ABCG2: variants seen among roughly 807,000 people sequenced by gnomAD.
ABCG2 encodes the protein ATP binding cassette subfamily G member 2 (JR blood group).
In ABCG2, 80 loss-of-function variants were observed where a neutral mutation model predicts 73.5. That is an observed-to-expected ratio of 1.09 (90% confidence interval 0.91 to 1.31). The LOEUF (loss-of-function observed/expected upper bound fraction) is 1.31, where lower values mean the gene tolerates loss of function less well. Among genes scored for constraint, ABCG2 ranks in the 50% most tolerant of loss-of-function variants. The probability of loss-of-function intolerance (pLI) is 0.00; values close to 1 mark genes in which losing one functional copy is unlikely to be tolerated. For missense variants in ABCG2, 796 were observed against 786.2 expected (o/e 1.01, Z -0.15); for synonymous variants, 269 against 282.4 (o/e 0.95, Z 0.48).
At chr4:88,168,599 G>C (rs527559668) in intron 1 of ABCG2, among the ~76,000 whole-genome samples, 2 of 151,494 alleles carry the variant, frequency 1.3e-5, no homozygotes, top group South Asian at 2.1e-4. Flanking sequence ...AACCTGCAGA[G>C]TCAGATAGTA....
rs180872136 is a variant in ABCG2, at chr4:88,192,608, C to T, written c.-20+38386G>A. ...CTAATTTTTGTATTTTTAGAAGAGA[C>T]GGAGTTTACCAGGTTGGCTAGGCTG... On this transcript the variant is annotated intron_variant, in intron 1 of 15. Transcript: ENST00000515655. Among the ~76,000 whole-genome samples, 31 of 151,784 alleles carry T rather than the reference C, an allele frequency of 2.0e-4. No individual in the cohort carries two copies. The East Asian group carries it at 3.1e-3, about 15-fold the overall frequency.
chr4:88,121,727 C>G lies in ABCG2; in HGVS notation c.597G>C (p.Glu199Asp), dbSNP rs1248168948. Residue 199 changes from glutamate to aspartate, a missense_variant, in exon 6 of 16, where the codon GAG (glutamate) becomes GAC (aspartate). Transcript: ENST00000237612. Reference protein sequence around the residue: ...GERKRTSIGMELITDPSILFL... With the variant: ...GERKRTSIGMDLITDPSILFL... Reference sequence around the variant, plus strand: ...ACAAGATGGAAGGATCAGTGATAAGCTCCATTCCTATACTAGTCCTTTTTC... The same window carrying G: ...ACAAGATGGAAGGATCAGTGATAAGGTCCATTCCTATACTAGTCCTTTTTC... 5.0e-6 allele frequency: 8 copies of G among 1,613,908 alleles called. No individual in the cohort carries two copies. The African/African-American group carries it at 6.7e-5, about 13-fold the overall frequency.
chr4:88,182,561 C>G (rs1728300402), intron 1 of ABCG2, among the ~76,000 whole-genome samples: 1 of 152,024 alleles, frequency 6.6e-6, no homozygotes, highest in Non-Finnish European at 1.5e-5. Flanking sequence ...TCTTCTCTGA[C>G]CACAATGGAA....
chr4:88,159,249 G>C, upstream of ABCG2: 1 of 455,456 alleles, frequency 2.2e-6, no homozygotes. Context: ...TGGCCGGAGC[G>C]CCGAAGCACC....
At chr4:88,202,350 T>TTTTATATATATATATATATATA (rs1553945696) in intron 1 of ABCG2, among the ~76,000 whole-genome samples, 14 of 35,382 alleles carry the variant, frequency 4.0e-4, no homozygotes, top group African/African-American at 1.8e-3. Flanking sequence ...ATCTCTACAA[T>TTTTATATATATATATATATATA]TATTTATATA....
At chr4:88,175,414 T>C (rs749454168) in intron 1 of ABCG2, among the ~76,000 whole-genome samples, 10 of 152,368 alleles carry the variant, frequency 6.6e-5, no homozygotes, top group African/African-American at 9.6e-5. Flanking sequence ...AGGCTAAATT[T>C]ATAATTCCTT....
chr4:88,107,894 A>G (rs1030500106), intron 9 of ABCG2, among the ~76,000 whole-genome samples: 3 of 152,312 alleles, frequency 2.0e-5, no homozygotes, highest in Non-Finnish European at 4.4e-5. Context: ...GTGCATTGTC[A>G]CTGTCACCAA....
At chr4:88,145,668 G>C (rs935820599) in intron 1 of ABCG2, among the ~76,000 whole-genome samples, 7 of 152,014 alleles carry the variant, frequency 4.6e-5, no homozygotes, top group Non-Finnish European at 1.0e-4. Flanking sequence ...GGCCAGGTGC[G>C]GTGGCTCTTG....
intron 1 of ABCG2, among the ~76,000 whole-genome samples, chr4:88,153,998 T>C (rs1466664583): frequency 6.6e-6 from 1 of 152,156 alleles, no homozygotes; most frequent in African/African-American, 2.4e-5. Context: ...GAAGAGGTTA[T>C]GAAATGATGA....
intron 13 of ABCG2, among the ~76,000 whole-genome samples, chr4:88,096,547 T>C (rs45621036): frequency 0.017 from 2,566 of 152,302 alleles, 59 homozygotes; most frequent in African/African-American, 0.056. Flanking sequence ...AGTTTTCAAA[T>C]CCAGAAATGG....
intron 1 of ABCG2, among the ~76,000 whole-genome samples, chr4:88,149,074 G>A (rs1341403738): frequency 1.3e-5 from 2 of 152,144 alleles, no homozygotes; most frequent in Non-Finnish European, 2.9e-5. Context: ...AATTAGCCGG[G>A]TGTGGTGGCA....
At chr4:88,099,650 C>T (rs1056635128) in intron 11 of ABCG2, among the ~76,000 whole-genome samples, 5 of 152,172 alleles carry the variant, frequency 3.3e-5, no homozygotes, top group Admixed American at 1.3e-4. Flanking sequence ...TGAAGCTCTG[C>T]GCACAGCCCC....
At chr4:88,215,871 G>A (rs947262426) in intron 1 of ABCG2, among the ~76,000 whole-genome samples, 2 of 152,164 alleles carry the variant, frequency 1.3e-5, no homozygotes, top group Non-Finnish European at 2.9e-5. Context: ...CAAATTGTGC[G>A]TTGTACCTAA....
intron 9 of ABCG2, among the ~76,000 whole-genome samples, chr4:88,110,112 G>A (rs975251944): frequency 3.3e-5 from 5 of 151,784 alleles, no homozygotes; most frequent in Non-Finnish European, 2.9e-5. Context: ...ACCACACTTA[G>A]CTCATTTTAT....
rs1202890727 is a variant in ABCG2 at position 88,092,349 on chromosome 4, C to T, written c.1853G>A (p.Gly618Asp). 3 of 1,612,166 alleles carry T rather than the reference C, an allele frequency of 1.9e-6. No individual in the cohort carries two copies. Among genetic ancestry groups the T allele is most frequent in the East Asian group, 2.2e-5 (1 of 44,854 alleles). The change falls in exon 16 of 16, where the codon GGC becomes GAC. Residue 618 changes from glycine (G) to aspartate (D), a missense_variant. Physicochemically the swap from Gly to Asp is moderately conservative, Grantham distance 94 (BLOSUM62 -1). Coordinates refer to ENST00000237612, the MANE Select transcript of ABCG2 (RefSeq NM_004827.3). ...CAAGCCCCAGGGTGAGAGATCGATGCCCTGCTTTACCAAATATTCTTCGCC... is the reference window on the plus strand; with the variant it reads ...CAAGCCCCAGGGTGAGAGATCGATGTCCTGCTTTACCAAATATTCTTCGCC... ...CTGEEYLVKQ[G>D]IDLSPWGLWK...
rs143730946 is a variant in ABCG2, at chr4:88,139,257, C to A, written c.203+536G>T. 1.9e-3 allele frequency among the ~76,000 whole-genome samples: 284 copies of A among 152,014 alleles called. 2 individuals carry two copies. Among genetic ancestry groups the A allele is most frequent in the East Asian group, 0.011 (56 of 5,176 alleles). On this transcript the variant is annotated intron_variant, in intron 2 of 15. Transcript: ENST00000237612. Reference sequence around the variant, plus strand: ...AAAATAAATGCACCCTCACAAAGTACGCTTTTTCTTTTTCTTTTAAGATAG... The same window carrying A: ...AAAATAAATGCACCCTCACAAAGTAAGCTTTTTCTTTTTCTTTTAAGATAG...
chr4:88,198,028 C>CAA (rs34030026), intron 1 of ABCG2, among the ~76,000 whole-genome samples: 7,914 of 115,462 alleles, frequency 0.069, 426 homozygotes, highest in East Asian at 0.28. Context: ...AGACTGTCTC[C>CAA]AAAAAAAAAA....
At chr4:88,161,938 C>T (rs1000752122), upstream of ABCG2, among the ~76,000 whole-genome samples, 3 of 147,510 alleles carry the variant, frequency 2.0e-5, no homozygotes, top group South Asian at 2.2e-4. Flanking sequence ...ATGAGCATTT[C>T]TTCATGTGTT....
chr4:88,092,053 G>T lies in ABCG2; in HGVS notation c.*181C>A. The T allele has an allele frequency of 1.7e-6, 1 of 579,644 alleles. No individual in the cohort carries two copies. Among genetic ancestry groups the T allele is most frequent in the Non-Finnish European group, 3.0e-6 (1 of 337,624 alleles). The allele number at this position is 579,644 out of a possible 1,614,324, so 35.9% of individuals were successfully genotyped here. ...TAATATGCGATACATGATGTCTTGG[G>T]TTCTTTCATGTTTAATTCAGTTTGT... is the stretch of plus-strand genomic sequence containing the variant. On this transcript the variant is annotated 3_prime_UTR_variant, in exon 16 of 16. Coordinates refer to ENST00000237612, the MANE Select transcript of ABCG2 (RefSeq NM_004827.3).
Sources: allele counts gnomAD v4.1 joint callset (sites outside exome capture counted in the v4.1 genomes callset), GRCh38; gene constraint gnomAD v4.1.1; transcripts MANE v1.5; gene names NCBI Gene and HGNC (gene_info 2026-07-23, HGNC 2026-07-21).